Variants in PDE11A observed in about 807,000 individuals in gnomAD.
PDE11A encodes dual 3',5'-cyclic-AMP and -GMP phosphodiesterase 11A.
PDE11A carries 100 observed loss-of-function variants against 100.5 expected under a neutral mutation model. The ratio of observed to expected loss-of-function variants is 1.00; its 90% CI spans 0.85 to 1.18. The LOEUF is 1.18. Among genes scored for constraint, PDE11A ranks in the 50% most tolerant of loss-of-function variants. PDE11A has a pLI of 0.00. For missense variants in PDE11A, 1,141 were observed against 1,152.6 expected (o/e 0.99, Z 0.15); for synonymous variants, 381 against 420.8 (o/e 0.91, Z 1.16).
At chr2:177,667,556 A>G (rs2080608276) in intron 18 of PDE11A, among the ~76,000 whole-genome samples, 1 of 152,144 alleles carries the variant, frequency 6.6e-6, no homozygotes, top group Admixed American at 6.5e-5. Flanking sequence ...TAGGGGATTT[A>G]TTATTGTACT....
chr2:177,667,752 A>T (rs941271), intron 18 of PDE11A, among the ~76,000 whole-genome samples: 123,406 of 152,034 alleles, frequency 0.81, 50,840 homozygotes, highest in East Asian at 0.98. Context: ...CATTGCTGGA[A>T]ACAAGGTGCC....
At chr2:177,856,680 C>G (rs1360516072) in intron 5 of PDE11A, among the ~76,000 whole-genome samples, 1 of 151,946 alleles carries the variant, frequency 6.6e-6, no homozygotes, top group Non-Finnish European at 1.5e-5. Flanking sequence ...GGCTACCCAA[C>G]AGCATGTTTG....
chr2:178,096,131 T>G (rs2087485319), intron 2 of PDE11A, among the ~76,000 whole-genome samples: 1 of 151,476 alleles, frequency 6.6e-6, no homozygotes, highest in Non-Finnish European at 1.5e-5. Flanking sequence ...GTAGCCAGCT[T>G]GAATTTCTCC....
intron 3 of PDE11A, among the ~76,000 whole-genome samples, chr2:177,903,620 T>C (rs1271837303): frequency 1.3e-5 from 2 of 152,276 alleles, no homozygotes; most frequent in African/African-American, 4.8e-5. Context: ...AGGCGGGCCC[T>C]CCTCAAATAT....
intron 10 of PDE11A, among the ~76,000 whole-genome samples, chr2:177,735,167 C>CG (rs1348565325): frequency 2.6e-5 from 4 of 152,274 alleles, no homozygotes; most frequent in South Asian, 2.1e-4. Flanking sequence ...CAGGAACCCC[C>CG]GGGAGAGTTT....
At chr2:177,805,592 C>T (rs1256631093) in intron 9 of PDE11A, among the ~76,000 whole-genome samples, 6 of 152,102 alleles carry the variant, frequency 3.9e-5, no homozygotes, top group African/African-American at 1.4e-4. Flanking sequence ...TGTTCTTGAA[C>T]CTGTTTTTGC....
intron 2 of PDE11A, among the ~76,000 whole-genome samples, chr2:177,985,327 T>C (rs2085927898): frequency 6.6e-6 from 1 of 152,198 alleles, no homozygotes; most frequent in Non-Finnish European, 1.5e-5. Context: ...TGAAAAGTGA[T>C]CATTTAGAGT....
intron 12 of PDE11A, among the ~76,000 whole-genome samples, chr2:177,720,763 G>A (rs1257146404): frequency 1.3e-5 from 2 of 152,124 alleles, no homozygotes; most frequent in African/African-American, 2.4e-5. Flanking sequence ...TATTGATTTG[G>A]CATTAATTAA....
intron 2 of PDE11A, among the ~76,000 whole-genome samples, chr2:177,961,813 T>C (rs1231927639): frequency 6.6e-6 from 1 of 152,048 alleles, no homozygotes; most frequent in Non-Finnish European, 1.5e-5. Flanking sequence ...GCATAGTGAT[T>C]CATGCCTGTA....
intron 1 of PDE11A, among the ~76,000 whole-genome samples, chr2:178,046,523 T>A (rs1176115050): frequency 1.3e-5 from 2 of 152,198 alleles, no homozygotes; most frequent in East Asian, 3.8e-4. Context: ...TTCGTTTGTT[T>A]GTTTGTTTGT....
intron 1 of PDE11A, among the ~76,000 whole-genome samples, chr2:178,069,888 A>C (rs1210415682): frequency 1.3e-5 from 2 of 152,208 alleles, no homozygotes; most frequent in East Asian, 3.8e-4. Context: ...ATTGGGGATG[A>C]AGTTCAAAAG....
intron 5 of PDE11A, among the ~76,000 whole-genome samples, chr2:177,853,666 ATATATATATATATATGTGTGTGTG>A (rs1328694076): frequency 1.6e-4 from 5 of 31,926 alleles, no homozygotes; most frequent in African/African-American, 5.0e-4. Context: ...ATATATATAT[ATATATATATATATATGTGTGTGTG>A]TGTGTGTGTG....
At chr2:177,971,905 C>T (rs1309725371) in intron 2 of PDE11A, among the ~76,000 whole-genome samples, 1 of 151,780 alleles carries the variant, frequency 6.6e-6, no homozygotes, top group African/African-American at 2.4e-5. Context: ...AATGTGATTA[C>T]CCAGTAGTGA....
Position 177,872,124 on chromosome 2 carries a change from A to T in PDE11A, c.1367+3735T>A, listed in dbSNP as rs558793355. Among the ~76,000 whole-genome samples, 79 of 152,286 alleles carry T rather than the reference A, an allele frequency of 5.2e-4. 2 individuals are homozygous for T. Among genetic ancestry groups the T allele is most frequent in the Middle Eastern group, 3.4e-3 (1 of 294 alleles). On this transcript the variant is annotated intron_variant, in intron 5 of 19. Coordinates refer to ENST00000286063, the MANE Select transcript of PDE11A (RefSeq NM_016953.4). Reference sequence around the variant, plus strand: ...AGGACAGAGACTGCTTTTAATTTTTAAAAAATCTCTGTAGCCCTATCACCT... The same window carrying T: ...AGGACAGAGACTGCTTTTAATTTTTTAAAAATCTCTGTAGCCCTATCACCT...
intron 2 of PDE11A, among the ~76,000 whole-genome samples, chr2:177,915,804 A>G (rs1205436693): frequency 1.3e-5 from 2 of 152,236 alleles, no homozygotes; most frequent in African/African-American, 4.8e-5. Flanking sequence ...GCCATCTTGC[A>G]TTCCCACCCT....
chr2:178,037,792 G>A (rs1205504860), intron 1 of PDE11A, among the ~76,000 whole-genome samples: 3 of 152,080 alleles, frequency 2.0e-5, no homozygotes, highest in Non-Finnish European at 4.4e-5. Context: ...AACACCACAT[G>A]TTCTCACTCA....
upstream of PDE11A, among the ~76,000 whole-genome samples, chr2:178,073,720 T>G (rs1005455036): frequency 6.6e-6 from 1 of 152,244 alleles, no homozygotes; most frequent in Non-Finnish European, 1.5e-5. Context: ...AATGTAGCTA[T>G]GTCTCTGGTC....
At position 178,071,642 on chromosome 2, in the gene PDE11A, G is replaced by A. The variant is rs1242807619; in HGVS notation, c.796C>T (p.Leu266=). 3 of 1,611,976 alleles carry A rather than the reference G, an allele frequency of 1.9e-6. No individual in the cohort carries two copies. The highest frequency in any genetic ancestry group is 4.5e-5 in the East Asian group (2 of 44,874). ...KFFDVHAGTP[L]LPCSSTENSN... The stretch of plus-strand genomic sequence containing the variant: ...TTCTCTGTGCTGCTGCAAGGCAGCA[G>A]AGGTGTTCCTGCATGCACATCAAAG... The change falls in exon 1 of 20, where the codon CTG becomes TTG. Residue 266 remains leucine, a synonymous_variant. Transcript: ENST00000286063.
intron 2 of PDE11A, among the ~76,000 whole-genome samples, chr2:177,925,544 T>C (rs1444180822): frequency 1.3e-5 from 2 of 152,306 alleles, no homozygotes; most frequent in Non-Finnish European, 2.9e-5. Flanking sequence ...GAAGTGTCTG[T>C]TCATGTCCTT....
Sources: allele counts gnomAD v4.1 joint callset (sites outside exome capture counted in the v4.1 genomes callset), GRCh38; gene constraint gnomAD v4.1.1; transcripts MANE v1.5; gene names NCBI Gene and HGNC (gene_info 2026-07-23, HGNC 2026-07-21).